GLT1D1: variants seen among roughly 807,000 people sequenced by gnomAD.
GLT1D1 encodes the protein glycosyltransferase 1 domain-containing protein 1.
In GLT1D1, 21 loss-of-function variants were observed where a neutral mutation model predicts 28.7. The observed-to-expected ratio is 0.73, with a 90% confidence interval of 0.52 to 1.05. The LOEUF (loss-of-function observed/expected upper bound fraction) is 1.05. Among genes scored for constraint, GLT1D1 ranks in the 50% least tolerant of loss-of-function variants. GLT1D1 has a pLI of 0.00. For missense variants in GLT1D1, 343 were observed against 330.6 expected, an observed-to-expected ratio of 1.04 and a Z score of -0.29; for synonymous variants, 147 against 124.8, an observed-to-expected ratio of 1.18 and a Z score of -1.19.
chr12:128,960,014 A>G (rs1042900329), intron 7 of GLT1D1, among the ~76,000 whole-genome samples: 3 of 152,166 alleles, frequency 2.0e-5, no homozygotes, highest in African/African-American at 7.2e-5. Flanking sequence ...AGCCTCTTGT[A>G]AGATACTCCT....
intron 7 of GLT1D1, among the ~76,000 whole-genome samples, chr12:128,971,444 T>TCCCTC: frequency 1.1e-5 from 1 of 87,256 alleles, no homozygotes; most frequent in South Asian, 6.2e-4. Context: ...CTCCCTCCCT[T>TCCCTC]CCTCTCTCCC....
intron 4 of GLT1D1, among the ~76,000 whole-genome samples, chr12:128,916,223 T>C (rs1033516849): frequency 2.6e-5 from 4 of 152,258 alleles, no homozygotes; most frequent in African/African-American, 9.6e-5. Context: ...TATTTTGGAA[T>C]GGTGTATTTC....
intron 2 of GLT1D1, among the ~76,000 whole-genome samples, chr12:128,888,213 CTGT>C (rs1291215399): frequency 6.6e-6 from 1 of 152,126 alleles, no homozygotes; most frequent in East Asian, 1.9e-4. Context: ...TCTCTCTCCC[CTGT>C]TGTTGTCCCA....
chr12:128,902,450 A>C (rs1593106823), intron 4 of GLT1D1, among the ~76,000 whole-genome samples: 1 of 148,514 alleles, frequency 6.7e-6, no homozygotes. Context: ...GTACCATTGC[A>C]CTCCAGCCAG....
chr12:128,872,348 A>G (rs889998550), intron 1 of GLT1D1, among the ~76,000 whole-genome samples: 1 of 152,188 alleles, frequency 6.6e-6, no homozygotes, highest in Non-Finnish European at 1.5e-5. Flanking sequence ...AATGCAGTGC[A>G]GAGGGGTTAT....
intron 1 of GLT1D1, 140 bp downstream of exon 1, chr12:128,853,789 G>T: frequency 1.9e-6 from 1 of 514,414 alleles, no homozygotes; most frequent in Non-Finnish European, 2.6e-6. Context: ...ACAAACGGAT[G>T]GGCCGGTGCC....
Position 128,965,698 on chromosome 12 carries a change from C to T in GLT1D1, c.639+8055C>T, listed in dbSNP as rs182461856. ...ACCATCCTGGGCAACATGGCAAAGT[C>T]TTGTCTCTGCTTAAAAAAAAAAAAA... is the stretch of plus-strand genomic sequence containing the variant. On this transcript the variant is annotated intron_variant, in intron 7 of 7. Coordinates refer to ENST00000281703, the MANE Select transcript of GLT1D1 (RefSeq NM_144669.3). 5.7e-4 allele frequency among the ~76,000 whole-genome samples: 67 copies of T among 117,730 alleles called. 1 individual carries two copies. Among genetic ancestry groups the T allele is most frequent in the Non-Finnish European group, 8.1e-4 (49 of 60,276 alleles). 77.2% of individuals were successfully genotyped at this position (117,730 alleles called of 152,430 possible).
chr12:128,911,270 C>T (rs188758427), intron 4 of GLT1D1, among the ~76,000 whole-genome samples: 8 of 152,362 alleles, frequency 5.3e-5, no homozygotes, highest in Admixed American at 2.6e-4. Context: ...TCTACCAAAC[C>T]TTCCCAGGCT....
intron 1 of GLT1D1, among the ~76,000 whole-genome samples, chr12:128,858,516 A>AC (rs1161143907): frequency 1.3e-5 from 2 of 152,152 alleles, no homozygotes; most frequent in Non-Finnish European, 2.9e-5. Flanking sequence ...TACTAAAAAT[A>AC]CCAAAATTAG....
At chr12:128,931,923 A>G (rs12831565) in intron 4 of GLT1D1, among the ~76,000 whole-genome samples, 1 of 140,376 alleles carries the variant, frequency 7.1e-6, no homozygotes, top group African/African-American at 2.5e-5. Context: ...GCACGCACAC[A>G]CACACACACA....
At chr12:128,897,170 C>T (rs1019092558) in intron 3 of GLT1D1, among the ~76,000 whole-genome samples, 2 of 152,142 alleles carry the variant, frequency 1.3e-5, no homozygotes, top group African/African-American at 2.4e-5. Flanking sequence ...CACTTTTCCT[C>T]ACATTTTATG....
intron 4 of GLT1D1, among the ~76,000 whole-genome samples, chr12:128,899,642 CG>C (rs1268572571): frequency 2.0e-5 from 3 of 151,396 alleles, no homozygotes; most frequent in African/African-American, 7.3e-5. Context: ...TTCCACCTCC[CG>C]GGTTCAAGCA....
At chr12:128,971,302 C>CTCCCTCCT (rs1555221621) in intron 7 of GLT1D1, among the ~76,000 whole-genome samples, 3 of 140,352 alleles carry the variant, frequency 2.1e-5, no homozygotes, top group Admixed American at 7.1e-5. Context: ...TCCTCCCTCC[C>CTCCCTCCT]TCCTTCCTTC....
chr12:128,860,494 G>C (rs1337502665), intron 1 of GLT1D1, among the ~76,000 whole-genome samples: 1 of 152,182 alleles, frequency 6.6e-6, no homozygotes, highest in Non-Finnish European at 1.5e-5. Context: ...TAAGATATGT[G>C]GTTCACTGGG....
At chr12:128,942,739 G>GTTTTTTTTTTTTTTT (rs199567989) in intron 4 of GLT1D1, among the ~76,000 whole-genome samples, 1 of 102,524 alleles carries the variant, frequency 9.8e-6, no homozygotes, top group Non-Finnish European at 1.8e-5. Flanking sequence ...TTCTTTGTTT[G>GTTTTTTTTTTTTTTT]TTTGTTTTTG....
intron 1 of GLT1D1, among the ~76,000 whole-genome samples, chr12:128,860,057 G>C (rs1250569442): frequency 6.6e-6 from 1 of 152,218 alleles, no homozygotes. Flanking sequence ...CCTGTGAGCT[G>C]CTAGCGAGTA....
intron 5 of GLT1D1, 82 bp downstream of exon 9, chr12:128,945,451 G>A: frequency 9.1e-7 from 1 of 1,103,534 alleles, no homozygotes; most frequent in Non-Finnish European, 1.4e-6. Context: ...CATTTATCCA[G>A]TCCCAGGCAC....
chr12:128,966,027 G>C (rs773007459), intron 7 of GLT1D1, among the ~76,000 whole-genome samples: 20 of 152,270 alleles, frequency 1.3e-4, no homozygotes, highest in Non-Finnish European at 2.4e-4. Context: ...AAAGAGGACT[G>C]TTTCAGGTAA....
intron 3 of GLT1D1, among the ~76,000 whole-genome samples, chr12:128,893,742 C>A (rs919650929): frequency 6.6e-6 from 1 of 152,050 alleles, no homozygotes; most frequent in Non-Finnish European, 1.5e-5. Flanking sequence ...TGCACCACCA[C>A]GCCTGGCTAA....
Sources: gnomAD v4.1 joint callset for allele counts (sites outside exome capture counted in the v4.1 genomes callset) on GRCh38, gnomAD v4.1.1 for gene constraint, MANE v1.5 for transcripts, NCBI Gene and HGNC (gene_info 2026-07-23, HGNC 2026-07-21) for gene names.